Variants in RAB38 observed in about 807,000 individuals in gnomAD.
RAB38 encodes RAB38, member RAS oncogene family.
A neutral mutation model predicts 18.4 loss-of-function variants in RAB38; 15 were observed. That is an observed-to-expected ratio of 0.82 (90% confidence interval 0.55 to 1.26). The LOEUF (loss-of-function observed/expected upper bound fraction) is 1.26. Among genes scored for constraint, RAB38 ranks in the 50% most tolerant of loss-of-function variants. RAB38 has a pLI of 0.00. For missense variants in RAB38, 294 were observed against 267.4 expected (o/e 1.10, Z -0.69); for synonymous variants, 101 against 104.4 (o/e 0.97, Z 0.20).
the RAB38 span, among the ~76,000 whole-genome samples, chr11:88,069,002 T>A: frequency 6.6e-6 from 1 of 152,032 alleles, no homozygotes; most frequent in African/African-American, 2.4e-5. Flanking sequence ...CCTCTCTGGG[T>A]GGGCCAAGGC....
the RAB38 span, among the ~76,000 whole-genome samples, chr11:87,898,569 C>T: frequency 6.6e-6 from 1 of 151,716 alleles, no homozygotes; most frequent in African/African-American, 2.4e-5. Context: ...GAGCCTAACA[C>T]CTGGCACATA....
intron 1 of RAB38, among the ~76,000 whole-genome samples, chr11:88,160,727 G>A (rs192906547): frequency 5.7e-4 from 87 of 152,200 alleles, no homozygotes; most frequent in Non-Finnish European, 4.1e-4. Flanking sequence ...AATTAATGCA[G>A]GAACAGAAAA....
At chr11:87,805,617 A>ACATGCACACACACACACACACACATG in the RAB38 span, among the ~76,000 whole-genome samples, 1 of 147,092 alleles carries the variant, frequency 6.8e-6, no homozygotes, top group African/African-American at 2.5e-5. Flanking sequence ...ACACACACAC[A>ACATGCACACACACACACACACACATG]CACACGCACA....
chr11:87,845,244 C>T, the RAB38 span, among the ~76,000 whole-genome samples: 1 of 152,044 alleles, frequency 6.6e-6, no homozygotes, highest in Non-Finnish European at 1.5e-5. Flanking sequence ...GATAGTAACA[C>T]TAGGATGACA....
At chr11:87,860,793 T>A in the RAB38 span, among the ~76,000 whole-genome samples, 52 of 152,070 alleles carry the variant, frequency 3.4e-4, no homozygotes, top group Admixed American at 7.2e-4. Context: ...AATTTTTTTT[T>A]ATTTTTATTT....
At position 88,114,118 on chromosome 11, in the gene RAB38, G is replaced by C; in HGVS notation, c.506C>G (p.Ala169Gly). 1.9e-6 allele frequency: 3 copies of C among 1,614,088 alleles called. No individual in the cohort carries two copies. The highest frequency in any genetic ancestry group is 2.2e-5 in the East Asian group (1 of 44,882). ...TATGTGTTTCACCAGGCATCTGGAG[G>C]CTTCATCAATGTTTATATTTTCCTA... ...SAKENINIDE[A>G]SRCLVKHILA... Residue 169 changes from alanine to glycine, a missense_variant, in exon 3 of 3, where the codon GCC becomes GGC. By Grantham distance (60) the Ala-to-Gly change is moderately conservative. Coordinates refer to ENST00000243662, the MANE Select transcript of RAB38 (RefSeq NM_022337.3).
At chr11:87,965,260 T>G in the RAB38 span, among the ~76,000 whole-genome samples, 1 of 149,444 alleles carries the variant, frequency 6.7e-6, no homozygotes, top group Non-Finnish European at 1.5e-5. Context: ...TTTCAAGATC[T>G]CAGGTAAACA....
chr11:87,818,264 C>A, the RAB38 span, among the ~76,000 whole-genome samples: 2 of 152,076 alleles, frequency 1.3e-5, no homozygotes, highest in Non-Finnish European at 2.9e-5. Context: ...AAAGGGAAAA[C>A]AATTCATAAT....
chr11:88,004,056 T>G, the RAB38 span, among the ~76,000 whole-genome samples: 12 of 142,680 alleles, frequency 8.4e-5, no homozygotes, highest in East Asian at 2.4e-3. Flanking sequence ...AGAAGGTATA[T>G]ATATACCTTC....
At chr11:87,893,386 A>ATGTATG in the RAB38 span, among the ~76,000 whole-genome samples, 1 of 92,652 alleles carries the variant, frequency 1.1e-5, no homozygotes, top group Non-Finnish European at 2.0e-5. Flanking sequence ...ATATATATAT[A>ATGTATG]TATATTTTTT....
chr11:88,133,100 A>G (rs776420643), intron 2 of RAB38, among the ~76,000 whole-genome samples: 6 of 152,178 alleles, frequency 3.9e-5, no homozygotes, highest in Admixed American at 6.5e-5. Context: ...TACATCTAGT[A>G]TATTGTAAAC....
At chr11:88,058,381 G>A in the RAB38 span, among the ~76,000 whole-genome samples, 1 of 152,180 alleles carries the variant, frequency 6.6e-6, no homozygotes, top group Non-Finnish European at 1.5e-5. Flanking sequence ...AGTTCAACAT[G>A]TATAGAGGGA....
At chr11:87,822,644 G>GT in the RAB38 span, among the ~76,000 whole-genome samples, 1 of 152,174 alleles carries the variant, frequency 6.6e-6, no homozygotes, top group African/African-American at 2.4e-5. Context: ...CCAAAAGAGA[G>GT]TAAGAGAGAA....
the RAB38 span, among the ~76,000 whole-genome samples, chr11:88,063,997 AT>A: frequency 2.0e-5 from 3 of 152,142 alleles, no homozygotes; most frequent in African/African-American, 7.2e-5. Context: ...TTGAAATGAG[AT>A]TTTCTATTCC....
intron 2 of RAB38, among the ~76,000 whole-genome samples, chr11:88,117,369 C>G (rs868635262): frequency 9.2e-5 from 14 of 152,218 alleles, no homozygotes; most frequent in Non-Finnish European, 1.9e-4. Flanking sequence ...GCCTTGAATA[C>G]TAAATTTGTC....
chr11:88,101,863 T>C, the RAB38 span, among the ~76,000 whole-genome samples: 1 of 151,718 alleles, frequency 6.6e-6, no homozygotes, highest in Admixed American at 6.6e-5. Flanking sequence ...TATATACTAT[T>C]AACATATTTA....
the RAB38 span, among the ~76,000 whole-genome samples, chr11:88,087,841 T>C: frequency 3.9e-4 from 60 of 152,092 alleles, no homozygotes; most frequent in African/African-American, 1.4e-3. Context: ...TGATGGTTTC[T>C]TCACTTTATC....
chr11:87,906,406 G>A, the RAB38 span, among the ~76,000 whole-genome samples: 5 of 151,884 alleles, frequency 3.3e-5, no homozygotes, highest in African/African-American at 1.2e-4. Flanking sequence ...ATGTTTCTGA[G>A]TTTTGCTGTC....
chr11:87,812,133 T>G, the RAB38 span, among the ~76,000 whole-genome samples: 1,133 of 152,320 alleles, frequency 7.4e-3, 20 homozygotes, highest in African/African-American at 0.026. Context: ...ATTTAGGAAT[T>G]AGTATCTCAA....
Sources: allele counts gnomAD v4.1 joint callset (sites outside exome capture counted in the v4.1 genomes callset), GRCh38; gene constraint gnomAD v4.1.1; transcripts MANE v1.5; gene names NCBI Gene and HGNC (gene_info 2026-07-23, HGNC 2026-07-21).